Variants in SYNE2 observed in about 807,000 individuals in gnomAD.
The protein encoded by SYNE2 is nesprin-2.
In SYNE2, 431 loss-of-function variants were observed where a neutral mutation model predicts 856.3. That is an observed-to-expected ratio of 0.50 (90% confidence interval 0.47 to 0.55). The LOEUF is 0.55. SYNE2 is among the 20% of genes least tolerant of loss of function. The pLI is 0.00. For synonymous variants in SYNE2, 2,923 were observed against 2,872.3 expected, an observed-to-expected ratio of 1.02 and a Z score of -0.56; for missense variants, 8,129 against 8,023.2, an observed-to-expected ratio of 1.01 and a Z score of -0.50.
chr14:63,870,353 A>G (rs1896549651), intron 1 of SYNE2, among the ~76,000 whole-genome samples: 1 of 143,332 alleles, frequency 7.0e-6, no homozygotes, highest in South Asian at 2.4e-4. Context: ...TGCTTTATGC[A>G]CCCACAGCAC....
intron 110 of SYNE2, among the ~76,000 whole-genome samples, chr14:64,220,154 G>A (rs548153871): frequency 6.4e-4 from 98 of 152,276 alleles, no homozygotes; most frequent in East Asian, 1.7e-3. Context: ...ACCTTTAGTC[G>A]GTCCAGAAAC....
intron 1 of SYNE2, among the ~76,000 whole-genome samples, chr14:63,782,187 T>C (rs898797004): frequency 6.7e-6 from 1 of 149,810 alleles, no homozygotes; most frequent in Non-Finnish European, 1.5e-5. Context: ...TAAAGAATGA[T>C]TGGGGGCCAG....
At chr14:64,023,617 C>T (rs539629635) in intron 38 of SYNE2, 3 of 154,286 alleles carry the variant, frequency 1.9e-5, no homozygotes, top group African/African-American at 7.2e-5. Context: ...TGGAGGATAT[C>T]CTGAAATGAA....
intron 1 of SYNE2, among the ~76,000 whole-genome samples, chr14:63,828,500 A>G (rs998199264): frequency 6.6e-6 from 1 of 150,854 alleles, no homozygotes; most frequent in Non-Finnish European, 1.5e-5. Context: ...TTAGCCAGGC[A>G]TGGTGGCAGG....
In SYNE2 at chr14:64,167,555, A is replaced by G. The variant is rs1404322748; in HGVS notation, c.16821A>G (p.Gln5607=). 1.2e-6 allele frequency: 2 copies of G among 1,614,128 alleles called. No individual in the cohort carries two copies. Among genetic ancestry groups the G allele is most frequent in the African/African-American group, 2.7e-5 (2 of 74,946 alleles). ...TTTATTGCTGTGAAAAGTGGATCCA[A>G]CTTTTGGAGAAGATAGAAGAAGCAC... ...KFLYCCEKWI[Q]LLEKIEEALK... is the part of the protein sequence containing the mutation. Residue 5607 remains glutamine (Q), a synonymous_variant, in exon 92 of 116, where the codon CAA becomes CAG. Coordinates refer to ENST00000555002, the MANE Select transcript of SYNE2 (RefSeq NM_182914.3).
chr14:64,027,392 A>G (rs1233514621), intron 42 of SYNE2, 92 bp from the exon 43 acceptor site: 3 of 770,010 alleles, frequency 3.9e-6, no homozygotes, highest in Non-Finnish European at 6.3e-6. Flanking sequence ...TGTTATTTTA[A>G]TGTTTATTAG....
chr14:63,796,363 A>G (rs900292836), intron 1 of SYNE2, among the ~76,000 whole-genome samples: 4 of 152,202 alleles, frequency 2.6e-5, no homozygotes, highest in African/African-American at 9.7e-5. Context: ...AGGCTGAGGC[A>G]GGAGAATCGC....
chr14:63,958,278 C>G (rs1357571665), intron 8 of SYNE2, among the ~76,000 whole-genome samples: 1 of 152,072 alleles, frequency 6.6e-6, no homozygotes, highest in Non-Finnish European at 1.5e-5. Context: ...TTTTCTCTTT[C>G]AATATCCCAG....
intron 2 of SYNE2, among the ~76,000 whole-genome samples, chr14:63,916,414 A>T (rs1388956761): frequency 6.6e-6 from 1 of 152,170 alleles, no homozygotes; most frequent in Non-Finnish European, 1.5e-5. Flanking sequence ...TTTGGATATC[A>T]CTTCCTGCAA....
rs1278876325 is a variant in SYNE2 at position 64,183,079 on chromosome 14, C to A, written c.17557-3345C>A. Among the ~76,000 whole-genome samples, 279 of 147,660 alleles carry A rather than the reference C, an allele frequency of 1.9e-3. 2 individuals carry two copies. Among genetic ancestry groups the A allele is most frequent in the Middle Eastern group, 3.6e-3 (1 of 278 alleles). On this transcript the variant is annotated intron_variant, in intron 96 of 115. Transcript: ENST00000555002. Reference sequence around the variant, plus strand: ...GCGGAGACGCTCCTCACTTCCCGGACGGGGCGGCTGCCGGGCGGAGGGGCT... The same window carrying A: ...GCGGAGACGCTCCTCACTTCCCGGAAGGGGCGGCTGCCGGGCGGAGGGGCT...
In SYNE2 at chr14:63,774,572, T is replaced by A. The variant is rs542024878; in HGVS notation, c.-305+12586T>A. ...TTTTTTGAGACAGGGTCTCGCTCTG[T>A]CACCCAGGATGTAGTGCAGTGGTGT... On this transcript the variant is annotated intron_variant, in intron 1 of 23. Transcript: ENST00000674003. 6.6e-5 allele frequency among the ~76,000 whole-genome samples: 10 copies of A among 150,994 alleles called. No homozygotes were observed. The South Asian group carries it at 2.0e-3, about 30-fold the overall frequency.
chr14:63,954,699 T>G lies in SYNE2; in HGVS notation c.591-20T>G. ...GTTCTTTTTAATGGTATTTGTCATG[T>G]TTTTGTCTTTTTATGATAGCTATGA... On this transcript the variant is annotated intron_variant, in intron 7 of 115. Coordinates refer to ENST00000555002, the MANE Select transcript of SYNE2 (RefSeq NM_182914.3). 6.2e-7 allele frequency: 1 copy of G among 1,610,520 alleles called. No individual in the cohort carries two copies. The highest frequency in any genetic ancestry group is 1.1e-5 in the South Asian group (1 of 90,968).
chr14:63,866,492 A>G (rs1895359019), intron 1 of SYNE2, among the ~76,000 whole-genome samples: 2 of 152,060 alleles, frequency 1.3e-5, no homozygotes, highest in Admixed American at 1.3e-4. Flanking sequence ...GCTAGACCCC[A>G]TCTCTATTCT....
rs190688192 is a variant in SYNE2, at chr14:64,178,082, A to C, written c.17556+599A>C. Among the ~76,000 whole-genome samples the C allele has an allele frequency of 9.6e-4, 146 of 152,328 alleles. 1 individual carries two copies. Among genetic ancestry groups the C allele is most frequent in the East Asian group, 1.9e-4 (1 of 5,186 alleles). The stretch of plus-strand genomic sequence containing the variant: ...TTTCTGTCTGCAGCTTTGATGTTTA[A>C]AAGACATTGAGAGACTGTTGGAGTG... On this transcript the variant is annotated intron_variant, in intron 96 of 115. Coordinates refer to ENST00000555002, the MANE Select transcript of SYNE2 (RefSeq NM_182914.3).
chr14:63,964,001 G>A lies in SYNE2; in HGVS notation c.990+1G>A, dbSNP rs770865148. The A allele has an allele frequency of 1.3e-6, 2 of 1,549,150 alleles. No individual in the cohort carries two copies. Among genetic ancestry groups the A allele is most frequent in the Admixed American group, 3.3e-5 (2 of 59,886 alleles). ...TGATACCTACTTTAAAAAGTATAAT[G>A]TAAGTATGATTTTAAACAGCTGTTT... On this transcript the variant is annotated splice_donor_variant, in intron 10 of 115. Transcript: ENST00000555002. LOFTEE classifies it high-confidence loss of function.
chr14:64,136,851 G>C (rs527437837), intron 78 of SYNE2, among the ~76,000 whole-genome samples: 1 of 151,972 alleles, frequency 6.6e-6, no homozygotes, highest in Non-Finnish European at 1.5e-5. Context: ...AAGTGCTTTC[G>C]GGGGCAGAAT....
intron 94 of SYNE2, among the ~76,000 whole-genome samples, chr14:64,170,947 A>G (rs562504629): frequency 6.6e-6 from 1 of 152,200 alleles, no homozygotes; most frequent in Non-Finnish European, 1.5e-5. Flanking sequence ...ATATTTTTAA[A>G]TAACTTAAGG....
intron 89 of SYNE2, among the ~76,000 whole-genome samples, chr14:64,164,931 A>AGGCT (rs1253395403): frequency 6.6e-6 from 1 of 151,924 alleles, no homozygotes; most frequent in Non-Finnish European, 1.5e-5. Context: ...TCTGTCACCC[A>AGGCT]GGCTGGCGTG....
At chr14:64,218,619 C>G (rs180726753) in intron 109 of SYNE2, 107 bp downstream of exon 109, 2 of 1,075,904 alleles carry the variant, frequency 1.9e-6, no homozygotes, top group East Asian at 5.0e-5. Context: ...TTCGCCAGAA[C>G]TGGGGGACTT....
Sources: gnomAD v4.1 joint callset for allele counts (sites outside exome capture counted in the v4.1 genomes callset) on GRCh38, gnomAD v4.1.1 for gene constraint, MANE v1.5 for transcripts, NCBI Gene and HGNC (gene_info 2026-07-23, HGNC 2026-07-21) for gene names.